Variants in ISLR2 observed in about 807,000 individuals in gnomAD.
ISLR2 encodes the protein immunoglobulin superfamily containing leucine-rich repeat protein 2.
Under a neutral mutation model 25.5 loss-of-function variants are expected in ISLR2, and 16 were observed. The observed-to-expected ratio is 0.63, with a 90% CI of 0.43 to 0.95. The LOEUF is 0.95. ISLR2 is among the 40% of genes least tolerant of loss of function. The pLI, the probability that ISLR2 is intolerant of heterozygous loss-of-function variation, is 0.00. For synonymous variants in ISLR2, 508 were observed against 486.6 expected (o/e 1.04, Z -0.58); for missense variants, 883 against 1,030.7 (o/e 0.86, Z 1.96).
intron 1 of ISLR2, among the ~76,000 whole-genome samples, chr15:74,101,981 G>A (rs1183316063): frequency 2.1e-5 from 3 of 141,364 alleles, no homozygotes; most frequent in African/African-American, 5.3e-5. Context: ...TTGGGAGGCC[G>A]AGGCAGGCAG....
chr15:74,125,860 T>C (rs758528729), upstream of ISLR2: 2 of 152,240 alleles, frequency 1.3e-5, no homozygotes, highest in Non-Finnish European at 2.9e-5. Context: ...TAGGCAAATG[T>C]GGATTTTTTT....
upstream of ISLR2, among the ~76,000 whole-genome samples, chr15:74,123,421 G>A (rs546845501): frequency 6.6e-6 from 1 of 152,284 alleles, no homozygotes; most frequent in South Asian, 2.1e-4. Flanking sequence ...TAAGGCCACA[G>A]CACCCAAGGG....
At chr15:74,113,694 G>T (rs1043706344) in intron 2 of ISLR2, among the ~76,000 whole-genome samples, 2 of 152,166 alleles carry the variant, frequency 1.3e-5, no homozygotes, top group Admixed American at 1.3e-4. Context: ...TTTCAGTTTT[G>T]CTCTTATTCC....
Position 74,135,503 on chromosome 15 carries a change from T to C in ISLR2, c.*511T>C. The C allele has an allele frequency of 6.0e-6, 1 of 166,326 alleles. No homozygotes were observed. 10.3% of individuals were successfully genotyped at this position (166,326 alleles called of 1,614,324 possible). A position where few individuals can be genotyped will look rare whatever the true frequency, so the allele number is the denominator to read the frequency against. On this transcript the variant is annotated 3_prime_UTR_variant, in exon 3 of 3. Transcript: ENST00000453268. ...TTTTTTTTTATTTTTTAATTTTATT[T>C]ATTTATTTATTTATTTTTTGACGGA... is the stretch of plus-strand genomic sequence containing the variant.
Position 74,134,670 on chromosome 15 carries a change from A to G in ISLR2, c.1916A>G (p.Lys639Arg). 1 of 1,614,104 alleles carries G rather than the reference A, an allele frequency of 6.2e-7. No individual in the cohort carries two copies. The highest frequency in any genetic ancestry group is 1.1e-5 in the South Asian group (1 of 91,090). ...LRPQAPDPMEKRIAADFDPRA... is the reference protein window; with the variant it reads ...LRPQAPDPMERRIAADFDPRA... The stretch of plus-strand genomic sequence containing the variant: ...CCTCAGGCCCCTGACCCTATGGAGA[A>G]GCGCATCGCCGCAGACTTCGACCCG... Residue 639 changes from lysine to arginine, a missense_variant, in exon 3 of 3, where the codon AAG becomes AGG. Transcript: ENST00000453268.
Position 74,135,144 on chromosome 15 carries a change from AT to A in ISLR2, c.*154del. 1.1e-6 allele frequency: 1 copy of A among 942,054 alleles called. No homozygotes were observed. The highest frequency in any genetic ancestry group is 1.6e-6 in the Non-Finnish European group (1 of 632,964). 58.4% of individuals were successfully genotyped at this position (942,054 alleles called of 1,614,324 possible). A position where few individuals can be genotyped will look rare whatever the true frequency, so the allele number is the denominator to read the frequency against. ...CCAACCTTGACTACCAGGGACTTCT[AT>A]TAGGGAGTGGGCCGATTTCACCAGT... On this transcript the variant is annotated 3_prime_UTR_variant, in exon 3 of 3. Coordinates refer to ENST00000453268, the MANE Select transcript of ISLR2 (RefSeq NM_020851.3).
At chr15:74,125,391 G>A (rs1185601236), upstream of ISLR2, among the ~76,000 whole-genome samples, 1 of 151,982 alleles carries the variant, frequency 6.6e-6, no homozygotes, top group Non-Finnish European at 1.5e-5. Flanking sequence ...ACAGTTGTGT[G>A]CCACCACGCC....
chr15:74,104,423 A>G (rs957327761), intron 2 of ISLR2, among the ~76,000 whole-genome samples: 1 of 152,394 alleles, frequency 6.6e-6, no homozygotes, highest in South Asian at 2.1e-4. Context: ...ATGTGGGTGG[A>G]TAATAAACTG....
At chr15:74,118,563 T>C (rs1225566633) in intron 2 of ISLR2, among the ~76,000 whole-genome samples, 2 of 152,096 alleles carry the variant, frequency 1.3e-5, no homozygotes, top group African/African-American at 4.8e-5. Context: ...AGGCATTTGA[T>C]AGATTGGTTG....
rs939983719 is a variant in ISLR2 at position 74,135,771 on chromosome 15, G to C, written c.*779G>C. ...ATCTGCCTCGGCCTCTCAAAGTGCT[G>C]GGATTACAGGCGTGAGGCACCGCGC... On this transcript the variant is annotated 3_prime_UTR_variant, in exon 3 of 3. Transcript: ENST00000453268. 2 of 163,314 alleles carry C rather than the reference G, an allele frequency of 1.2e-5. No homozygotes were observed. The highest frequency in any genetic ancestry group is 2.4e-5 in the African/African-American group (1 of 41,396). 10.1% of individuals were successfully genotyped at this position (163,314 alleles called of 1,614,324 possible).
upstream of ISLR2, chr15:74,130,204 C>A (rs1386934007): frequency 7.8e-4 from 2 of 2,552 alleles, no homozygotes; most frequent in Non-Finnish European, 1.5e-3. Context: ...GACTAGCAGG[C>A]GGGGCGGGGG....
At chr15:74,122,192 C>T (rs2072258413) in intron 2 of ISLR2, among the ~76,000 whole-genome samples, 1 of 152,254 alleles carries the variant, frequency 6.6e-6, no homozygotes, top group African/African-American at 2.4e-5. Flanking sequence ...GCTCTGTGAC[C>T]TCTCTTTGGC....
chr15:74,138,948 T>A (rs1353529065), downstream of ISLR2, among the ~76,000 whole-genome samples: 12 of 151,994 alleles, frequency 7.9e-5, no homozygotes, highest in Admixed American at 7.9e-4. Context: ...TGCTCAGCAG[T>A]TTTGGTGCAA....
intron 2 of ISLR2, among the ~76,000 whole-genome samples, chr15:74,121,560 G>C (rs139995137): frequency 6.6e-6 from 1 of 152,286 alleles, no homozygotes; most frequent in African/African-American, 2.4e-5. Context: ...GATGAGGCAG[G>C]AAGGAGGGAA....
chr15:74,135,084 C>G lies in ISLR2; in HGVS notation c.*92C>G. On this transcript the variant is annotated 3_prime_UTR_variant, in exon 3 of 3. Transcript: ENST00000453268. ...GCTGGCAGGACTTATGTCCCCCGTC[C>G]CCAACCTTCACCTACTCCTCCCCCT... is the stretch of plus-strand genomic sequence containing the variant. 1 of 1,466,384 alleles carries G rather than the reference C, an allele frequency of 6.8e-7. No individual in the cohort carries two copies. The highest frequency in any genetic ancestry group is 2.0e-5 in the Admixed American group (1 of 49,752). 90.8% of individuals were successfully genotyped at this position (1,466,384 alleles called of 1,614,324 possible).
At chr15:74,128,998 C>G (rs1256083681), upstream of ISLR2, 1 of 456,636 alleles carries the variant, frequency 2.2e-6, no homozygotes, top group African/African-American at 2.0e-5. Flanking sequence ...GCTGTCCCAC[C>G]ACAGGATCCC....
rs1248440500 is a variant in ISLR2, at chr15:74,132,851, C to A, written c.97C>A (p.Gln33Lys). 1 of 1,614,138 alleles carries A rather than the reference C, an allele frequency of 6.2e-7. No homozygotes were observed. The highest frequency in any genetic ancestry group is 1.3e-5 in the African/African-American group (1 of 75,080). ...PCACVDKYAH[Q>K]FADCAYKELR... ...CGCCTGCGTGGACAAGTACGCTCAC[C>A]AGTTCGCGGACTGCGCTTACAAAGA... The change falls in exon 3 of 3, where the codon CAG (glutamine) becomes AAG (lysine). Residue 33 changes from glutamine (Q) to lysine (K), a missense_variant. Gln to Lys is a moderately conservative substitution (Grantham distance 53). Coordinates refer to ENST00000453268, the MANE Select transcript of ISLR2 (RefSeq NM_020851.3). This position sits in a 1 kb window ranked among gnomAD's most constrained non-coding sequence, Gnocchi z 4.3.
chr15:74,132,700 G>A lies in ISLR2; in HGVS notation c.-8-47G>A, dbSNP rs1332344166. ...AGCTTGATAGGGGAGGTAAGCTGGGGTTCAGTGAGTCACCTTCTTTCTTCT... is the reference window on the plus strand; with the variant it reads ...AGCTTGATAGGGGAGGTAAGCTGGGATTCAGTGAGTCACCTTCTTTCTTCT... On this transcript the variant is annotated intron_variant, in intron 2 of 2. Coordinates refer to ENST00000453268, the MANE Select transcript of ISLR2 (RefSeq NM_020851.3). This position sits in a 1 kb window ranked among gnomAD's most constrained non-coding sequence, Gnocchi z 4.3. The A allele has an allele frequency of 5.1e-6, 8 of 1,573,086 alleles. No individual in the cohort carries two copies. The highest frequency in any genetic ancestry group is 1.9e-4 in the Middle Eastern group (1 of 5,220).
At position 74,133,919 on chromosome 15, in the gene ISLR2, G is replaced by T. The variant is rs755833887; in HGVS notation, c.1165G>T (p.Asp389Tyr). 32 of 1,603,808 alleles carry T rather than the reference G, an allele frequency of 2.0e-5. No individual in the cohort carries two copies. The highest frequency in any genetic ancestry group is 2.6e-5 in the Non-Finnish European group (31 of 1,175,488). The change falls in exon 3 of 3, where the codon GAC becomes TAC. Residue 389 changes from aspartate to tyrosine, a missense_variant. Asp to Tyr is a radical substitution (Grantham distance 160, BLOSUM62 -3). Around this residue, in one of 2 missense-constraint regions of ISLR2, gnomAD observed 612 missense variants for 642.8 expected, o/e 0.95. Coordinates refer to ENST00000453268, the MANE Select transcript of ISLR2 (RefSeq NM_020851.3). The part of the protein sequence containing the change: ...KHAPGAGGEP[D>Y]GQAPTSERKS... ...CGCGCCTGGCGCCGGGGGAGAACCC[G>T]ACGGACAGGCCCCGACCTCTGAGCG...
Sources: gnomAD v4.1 joint callset for allele counts (sites outside exome capture counted in the v4.1 genomes callset) on GRCh38, gnomAD v4.1.1 for gene constraint, gnomAD v4.1.1 regional missense constraint, Gnocchi (gnomAD v3.1) non-coding constraint, MANE v1.5 for transcripts, NCBI Gene and HGNC (gene_info 2026-07-23, HGNC 2026-07-21) for gene names.